Variants in MCM5 observed in about 807,000 individuals in gnomAD.
MCM5 encodes the protein minichromosome maintenance complex component 5.
In MCM5, 46 loss-of-function variants were observed where a neutral mutation model predicts 79.9. The observed-to-expected ratio is 0.58, with a 90% CI of 0.45 to 0.74. The LOEUF (loss-of-function observed/expected upper bound fraction) is 0.74. Ranked by LOEUF, MCM5 falls within the 30% of genes least tolerant of loss-of-function variation. MCM5 has a pLI of 0.00. For missense variants in MCM5, 883 were observed against 1,017.0 expected, an observed-to-expected ratio of 0.87 and a Z score of 1.79; for synonymous variants, 404 against 390.5, an observed-to-expected ratio of 1.03 and a Z score of -0.41.
chr22:35,403,550 G>A lies in MCM5; in HGVS notation c.423+8G>A, dbSNP rs1440676530. 3 of 1,611,582 alleles carry A rather than the reference G, an allele frequency of 1.9e-6. No homozygotes were observed. Among genetic ancestry groups the A allele is most frequent in the Middle Eastern group, 1.7e-4 (1 of 6,036 alleles). On this transcript the variant is annotated splice_region_variant and intron_variant, in intron 4 of 16. Transcript: ENST00000216122. Reference sequence around the variant, plus strand: ...AGCATTCGTAGCCTGAAGGTGGGTCGGAGGGCAGTGGCTGCTGCATGGTGC... The same window carrying A: ...AGCATTCGTAGCCTGAAGGTGGGTCAGAGGGCAGTGGCTGCTGCATGGTGC...
downstream of MCM5, among the ~76,000 whole-genome samples, chr22:35,425,912 C>G: frequency 6.6e-6 from 1 of 152,106 alleles, no homozygotes; most frequent in Non-Finnish European, 1.5e-5. Context: ...TCAAGTGTCA[C>G]AGTGAGGGAG....
chr22:35,402,130 G>A (rs138349336), intron 2 of MCM5, among the ~76,000 whole-genome samples: 8 of 152,204 alleles, frequency 5.3e-5, no homozygotes, highest in African/African-American at 1.4e-4. Flanking sequence ...TGGGCTGGAC[G>A]CAGTGGCTCA....
the MCM5 span, among the ~76,000 whole-genome samples, chr22:35,436,678 C>T: frequency 2.6e-5 from 4 of 152,210 alleles, no homozygotes; most frequent in Admixed American, 2.6e-4. Context: ...TGGCTTTCTG[C>T]CCCTGCATCA....
the MCM5 span, among the ~76,000 whole-genome samples, chr22:35,452,932 C>T: frequency 2.6e-5 from 4 of 152,164 alleles, no homozygotes; most frequent in Admixed American, 6.5e-5. Flanking sequence ...TCACCCACCC[C>T]GAGAGGAAAG....
chr22:35,417,878 A>T (rs376264723), intron 13 of MCM5, 22 bp downstream of exon 13: 8 of 1,586,654 alleles, frequency 5.0e-6, no homozygotes, highest in Non-Finnish European at 6.9e-6. Context: ...ACGCAGGCCC[A>T]CGGGGGTGAG....
At chr22:35,438,643 C>CCATCCATCCACCCACATATT in the MCM5 span, among the ~76,000 whole-genome samples, 1 of 147,652 alleles carries the variant, frequency 6.8e-6, no homozygotes, top group Non-Finnish European at 1.5e-5. Context: ...ACATATTCAT[C>CCATCCATCCACCCACATATT]CATCCATCCA....
At chr22:35,430,748 G>A in the MCM5 span, among the ~76,000 whole-genome samples, 1 of 150,758 alleles carries the variant, frequency 6.6e-6, no homozygotes, top group South Asian at 2.1e-4. Context: ...CTGACCTCCT[G>A]ATCCACCTGC....
chr22:35,452,459 G>C, the MCM5 span, among the ~76,000 whole-genome samples: 1 of 152,206 alleles, frequency 6.6e-6, no homozygotes, highest in South Asian at 2.1e-4. Flanking sequence ...GCAGGTGCCC[G>C]GCAGATGTGT....
chr22:35,405,575 C>T (rs1167175675), intron 4 of MCM5, among the ~76,000 whole-genome samples: 1 of 151,584 alleles, frequency 6.6e-6, no homozygotes, highest in Non-Finnish European at 1.5e-5. Context: ...CCATGTTGGC[C>T]AGGCTGGTCT....
At chr22:35,437,603 C>A in the MCM5 span, among the ~76,000 whole-genome samples, 1 of 152,156 alleles carries the variant, frequency 6.6e-6, no homozygotes, top group Non-Finnish European at 1.5e-5. Context: ...GGGTCGGGCT[C>A]CTGACCTTGT....
chr22:35,423,865 T>G (rs1480731634), intron 16 of MCM5: 1 of 360,606 alleles, frequency 2.8e-6, no homozygotes, highest in African/African-American at 2.1e-5. Flanking sequence ...TGGTATCGTG[T>G]CTATTCTATA....
In MCM5 at chr22:35,418,398, C is replaced by T. The variant is rs557761638; in HGVS notation, c.1703+542C>T. ...AGTACTGGCTGGTTGCAGTGGCTCACGCTGTAATCCCAGCACTTTGGGAGG... is the reference window on the plus strand; with the variant it reads ...AGTACTGGCTGGTTGCAGTGGCTCATGCTGTAATCCCAGCACTTTGGGAGG... On this transcript the variant is annotated intron_variant, in intron 13 of 16. Coordinates refer to ENST00000216122, the MANE Select transcript of MCM5 (RefSeq NM_006739.4). Among the ~76,000 whole-genome samples the T allele has an allele frequency of 3.3e-5, 5 of 152,230 alleles. No individual in the cohort carries two copies. In the South Asian group the frequency reaches 1.0e-3, roughly 32 times the overall value.
chr22:35,423,211 C>A lies in MCM5; in HGVS notation c.1976-3C>A, dbSNP rs747974884. ...CGGCTGCCTCACTTCTCCATGCCCA[C>A]AGGGGTGGAGGGCTTCACCAGCCAG... On this transcript the variant is annotated splice_polypyrimidine_tract_variant and splice_region_variant and intron_variant, in intron 15 of 16. Coordinates refer to ENST00000216122, the MANE Select transcript of MCM5 (RefSeq NM_006739.4). The A allele has an allele frequency of 2.5e-6, 4 of 1,568,950 alleles. No homozygotes were observed. The highest frequency in any genetic ancestry group is 3.5e-5 in the Admixed American group (2 of 56,596).
the MCM5 span, among the ~76,000 whole-genome samples, chr22:35,441,534 G>T: frequency 6.6e-6 from 1 of 152,202 alleles, no homozygotes; most frequent in Non-Finnish European, 1.5e-5. Flanking sequence ...TATTTTACAG[G>T]TGTGGAAACA....
In MCM5 at chr22:35,406,547, T is replaced by C. The variant is rs768568864; in HGVS notation, c.424-6T>C. On this transcript the variant is annotated splice_region_variant and splice_polypyrimidine_tract_variant and intron_variant, in intron 4 of 16. Coordinates refer to ENST00000216122, the MANE Select transcript of MCM5 (RefSeq NM_006739.4). ...ACCAACAAGCTTCCCGATGGCTCTATTACAGTCGGACATGATGTCACACCT... is the reference window on the plus strand; with the variant it reads ...ACCAACAAGCTTCCCGATGGCTCTACTACAGTCGGACATGATGTCACACCT... 3.4e-5 allele frequency: 55 copies of C among 1,612,350 alleles called. No individual in the cohort carries two copies. Among genetic ancestry groups the C allele is most frequent in the Non-Finnish European group, 4.5e-5 (53 of 1,179,044 alleles).
downstream of MCM5, among the ~76,000 whole-genome samples, chr22:35,427,339 C>G (rs1379510069): frequency 6.6e-6 from 1 of 152,168 alleles, no homozygotes; most frequent in Non-Finnish European, 1.5e-5. Context: ...CATTCTCTTG[C>G]CTGTAAGCAA....
chr22:35,415,513 C>G (rs1932515075), intron 9 of MCM5, among the ~76,000 whole-genome samples: 1 of 152,178 alleles, frequency 6.6e-6, no homozygotes, highest in South Asian at 2.1e-4. Flanking sequence ...GAGGCTAACT[C>G]CTCTTCTCTG....
Position 35,400,577 on chromosome 22 carries a change from G to A in MCM5, c.139G>A (p.Asp47Asn). Residue 47 changes from aspartate (D) to asparagine (N), a missense_variant, in exon 2 of 17, where the codon GAC becomes AAC. Physicochemically the swap from Asp to Asn is conservative, Grantham distance 23. Coordinates refer to ENST00000216122, the MANE Select transcript of MCM5 (RefSeq NM_006739.4). ...EFLRQYRVGT[D>N]RTGFTFKYRD... ...CCTGCGGCAGTACCGAGTGGGCACCGACCGCACGGGCTTCACCTTCAAATA... is the reference window on the plus strand; with the variant it reads ...CCTGCGGCAGTACCGAGTGGGCACCAACCGCACGGGCTTCACCTTCAAATA... The A allele has an allele frequency of 3.1e-6, 5 of 1,612,908 alleles. No individual in the cohort carries two copies. Among genetic ancestry groups the A allele is most frequent in the Non-Finnish European group, 4.2e-6 (5 of 1,179,400 alleles).
At chr22:35,401,749 T>G (rs975545343) in intron 2 of MCM5, 1 of 469,682 alleles carries the variant, frequency 2.1e-6, no homozygotes. Context: ...AGCTCCTAAG[T>G]CAGAGGAGTG....
Sources: gnomAD v4.1 joint callset for allele counts (sites outside exome capture counted in the v4.1 genomes callset) on GRCh38, gnomAD v4.1.1 for gene constraint, MANE v1.5 for transcripts, NCBI Gene and HGNC (gene_info 2026-07-23, HGNC 2026-07-21) for gene names.